Variants in CNTN3 observed in about 807,000 individuals in gnomAD.
CNTN3 encodes contactin-3.
In CNTN3, 60 loss-of-function variants were observed where a neutral mutation model predicts 119.1. That is an observed-to-expected ratio of 0.50 (90% CI 0.41 to 0.62). The LOEUF (loss-of-function observed/expected upper bound fraction) is 0.62, where lower values mean the gene tolerates loss of function less well. Ranked by LOEUF, CNTN3 falls within the 20% of genes least tolerant of loss-of-function variation. The pLI is 0.00. For synonymous variants in CNTN3, 450 were observed against 438.7 expected (o/e 1.03, Z -0.32); for missense variants, 1,101 against 1,242.4 (o/e 0.89, Z 1.71).
intron 11 of CNTN3, among the ~76,000 whole-genome samples, chr3:74,339,896 TAG>T: frequency 5.1e-4 from 1 of 1,968 alleles, no homozygotes; most frequent in Non-Finnish European, 9.3e-4. Context: ...TGGATACAGA[TAG>T]ATAGATAGAT....
In CNTN3 at chr3:74,399,948, T is replaced by C. The variant is rs559729960; in HGVS notation, c.454+24897A>G. 1.7e-4 allele frequency among the ~76,000 whole-genome samples: 26 copies of C among 152,296 alleles called. 1 individual carries two copies. The South Asian group carries it at 4.8e-3, about 28-fold the overall frequency. ...ATGAGCAACATGAAGGCAACCATGG[T>C]GTCTTACTGATGTTTTTATCCTTTG... On this transcript the variant is annotated intron_variant, in intron 5 of 22. Coordinates refer to ENST00000263665, the MANE Select transcript of CNTN3 (RefSeq NM_020872.3).
At chr3:74,452,804 A>C (rs1483585512) in intron 4 of CNTN3, among the ~76,000 whole-genome samples, 1 of 151,678 alleles carries the variant, frequency 6.6e-6, no homozygotes, top group African/African-American at 2.4e-5. Flanking sequence ...TTCTGTTTAT[A>C]TGCTGGATTA....
intron 1 of CNTN3, among the ~76,000 whole-genome samples, chr3:74,613,004 C>T (rs1705107862): frequency 1.3e-5 from 2 of 152,188 alleles, no homozygotes; most frequent in Admixed American, 6.5e-5. Context: ...AAACCATGAA[C>T]CAAGATGCCA....
intron 2 of CNTN3, among the ~76,000 whole-genome samples, chr3:74,512,950 A>G (rs1393022354): frequency 6.6e-6 from 1 of 152,130 alleles, no homozygotes; most frequent in Non-Finnish European, 1.5e-5. Context: ...CACTCATGGG[A>G]TAAGAATGAA....
At chr3:74,466,791 A>G (rs1702468767) in intron 4 of CNTN3, among the ~76,000 whole-genome samples, 1 of 152,182 alleles carries the variant, frequency 6.6e-6, no homozygotes, top group African/African-American at 2.4e-5. Flanking sequence ...TCAAGATATT[A>G]GGAATAAAAA....
rs143985080 is a variant in CNTN3, at chr3:74,560,766, A to T, written c.-80-39574T>A. On this transcript the variant is annotated intron_variant, in intron 1 of 22. Coordinates refer to ENST00000263665, the MANE Select transcript of CNTN3 (RefSeq NM_020872.3). Reference sequence around the variant, plus strand: ...ACTACTCACAATAGCAAAGACTTGGAATCAACCCAAATATCCAACAATGAT... The same window carrying T: ...ACTACTCACAATAGCAAAGACTTGGTATCAACCCAAATATCCAACAATGAT... Among the ~76,000 whole-genome samples the T allele has an allele frequency of 3.0e-4, 46 of 152,282 alleles. 1 individual carries two copies. The highest frequency in any genetic ancestry group is 9.6e-4 in the African/African-American group (40 of 41,550).
At chr3:74,416,881 G>A (rs186957766) in intron 5 of CNTN3, among the ~76,000 whole-genome samples, 3 of 152,062 alleles carry the variant, frequency 2.0e-5, no homozygotes, top group East Asian at 1.9e-4. Context: ...CCAGCTACTC[G>A]GGAGGTTGAG....
At chr3:74,364,935 A>T (rs1443867511) in intron 9 of CNTN3, among the ~76,000 whole-genome samples, 1 of 152,132 alleles carries the variant, frequency 6.6e-6, no homozygotes, top group Non-Finnish European at 1.5e-5. Flanking sequence ...TATGAGGTTG[A>T]TTTTTATCCC....
intron 5 of CNTN3, among the ~76,000 whole-genome samples, chr3:74,403,343 C>T (rs1705245289): frequency 2.0e-5 from 3 of 152,170 alleles, no homozygotes; most frequent in South Asian, 2.1e-4. Flanking sequence ...ATTTACATTC[C>T]GAAGGTGCTT....
chr3:74,351,025 C>A (rs896138060), intron 11 of CNTN3, among the ~76,000 whole-genome samples: 3 of 152,104 alleles, frequency 2.0e-5, no homozygotes, highest in Non-Finnish European at 4.4e-5. Context: ...GCCCAAACTC[C>A]AGCACTATAC....
chr3:74,409,952 A>G (rs1376081273), intron 5 of CNTN3, among the ~76,000 whole-genome samples: 1 of 152,180 alleles, frequency 6.6e-6, no homozygotes, highest in Non-Finnish European at 1.5e-5. Flanking sequence ...TTGGAATACT[A>G]CTTCCAACAT....
At chr3:74,370,604 A>G (rs1475323078) in intron 6 of CNTN3, among the ~76,000 whole-genome samples, 2 of 152,110 alleles carry the variant, frequency 1.3e-5, no homozygotes, top group Non-Finnish European at 1.5e-5. Flanking sequence ...ACTGACTGGA[A>G]AAAAGTGCTT....
chr3:74,552,481 T>C (rs889744975), intron 1 of CNTN3, among the ~76,000 whole-genome samples: 17 of 152,196 alleles, frequency 1.1e-4, no homozygotes, highest in Non-Finnish European at 2.1e-4. Context: ...GTGTTTTGGA[T>C]TGTGGCCATG....
At chr3:74,397,528 CTCTCTCT>C (rs1222273486) in intron 5 of CNTN3, among the ~76,000 whole-genome samples, 3 of 137,730 alleles carry the variant, frequency 2.2e-5, no homozygotes, top group Non-Finnish European at 4.8e-5. Context: ...CTCTCTCTCT[CTCTCTCT>C]GTCTCATTGG....
rs966248024 is a variant in CNTN3, at chr3:74,487,113, G to A, written c.183-482C>T. 2.6e-5 allele frequency among the ~76,000 whole-genome samples: 4 copies of A among 152,066 alleles called. No individual in the cohort carries two copies. The East Asian group carries it at 7.7e-4, about 29-fold the overall frequency. On this transcript the variant is annotated intron_variant, in intron 3 of 22. Transcript: ENST00000263665. Reference sequence around the variant, plus strand: ...TTTGTCTGGGTAAATACCTGTCCCCGAGGCATTCTCCACTTTTTTAAGCCA... The same window carrying A: ...TTTGTCTGGGTAAATACCTGTCCCCAAGGCATTCTCCACTTTTTTAAGCCA...
chr3:74,326,587 T>C (rs1703135989), intron 13 of CNTN3, among the ~76,000 whole-genome samples: 1 of 152,096 alleles, frequency 6.6e-6, no homozygotes, highest in South Asian at 2.1e-4. Context: ...CCTATCTAGC[T>C]GTAAGGAAGC....
intron 4 of CNTN3, among the ~76,000 whole-genome samples, chr3:74,437,913 T>C (rs1701898104): frequency 6.6e-6 from 1 of 152,190 alleles, no homozygotes; most frequent in South Asian, 2.1e-4. Flanking sequence ...GCCAATGTTC[T>C]CACATAAAAC....
intron 1 of CNTN3, among the ~76,000 whole-genome samples, chr3:74,554,627 C>T (rs1289359099): frequency 6.6e-6 from 1 of 152,112 alleles, no homozygotes. Flanking sequence ...TGAAGAGGTC[C>T]TTCACATCCC....
chr3:74,269,361 T>TA (rs888522834), intron 20 of CNTN3, among the ~76,000 whole-genome samples: 18 of 152,230 alleles, frequency 1.2e-4, no homozygotes, highest in Middle Eastern at 3.4e-3. Context: ...GATCATCTCT[T>TA]ACCACCACTG....
Sources: allele counts gnomAD v4.1 joint callset (sites outside exome capture counted in the v4.1 genomes callset), GRCh38; gene constraint gnomAD v4.1.1; transcripts MANE v1.5; gene names NCBI Gene and HGNC (gene_info 2026-07-23, HGNC 2026-07-21).